Variants in NAV3 observed in about 807,000 individuals in gnomAD.
The protein encoded by NAV3 is neuron navigator 3.
In NAV3, 87 loss-of-function variants were observed where a neutral mutation model predicts 244.7. The observed-to-expected ratio is 0.36, with a 90% CI of 0.30 to 0.42. The LOEUF is 0.42. Ranked by LOEUF, NAV3 falls within the 20% of genes least tolerant of loss-of-function variation. The probability of loss-of-function intolerance (pLI) is 1.00; values close to 1 mark genes in which losing one functional copy is unlikely to be tolerated. For missense variants in NAV3, 2,663 were observed against 2,893.3 expected (o/e 0.92, Z 1.83); for synonymous variants, 1,126 against 1,042.2 (o/e 1.08, Z -1.55).
intron 9 of NAV3, among the ~76,000 whole-genome samples, chr12:78,023,141 C>T (rs1384816336): frequency 3.9e-5 from 6 of 152,096 alleles, no homozygotes; most frequent in Non-Finnish European, 8.8e-5. Context: ...CATAAATGTC[C>T]TCAAATTGCA....
chr12:77,630,328 A>G (rs1871833290), intron 2 of NAV3, among the ~76,000 whole-genome samples: 1 of 152,174 alleles, frequency 6.6e-6, no homozygotes. Context: ...TTTATGAACT[A>G]TTCCTATAGA....
chr12:77,865,204 A>G (rs1879821326), intron 1 of NAV3, among the ~76,000 whole-genome samples: 1 of 152,066 alleles, frequency 6.6e-6, no homozygotes, highest in South Asian at 2.1e-4. Flanking sequence ...TTCATTCTAC[A>G]TTTCAGAACT....
chr12:78,052,397 T>A (rs377288856), intron 11 of NAV3, among the ~76,000 whole-genome samples: 104 of 152,256 alleles, frequency 6.8e-4, no homozygotes, highest in African/African-American at 2.3e-3. Flanking sequence ...GGATTCAGAG[T>A]GCCTAGTTTG....
intron 12 of NAV3, among the ~76,000 whole-genome samples, chr12:78,112,299 T>C (rs919347798): frequency 6.6e-6 from 1 of 152,252 alleles, no homozygotes; most frequent in African/African-American, 2.4e-5. Flanking sequence ...CTGCATGCTA[T>C]AGGTGTTCGT....
chr12:78,070,103 T>C (rs923712447), intron 12 of NAV3, among the ~76,000 whole-genome samples: 3 of 152,152 alleles, frequency 2.0e-5, no homozygotes, highest in Non-Finnish European at 4.4e-5. Flanking sequence ...GAGTATATTT[T>C]ACTCTAACGT....
At chr12:77,887,626 G>C (rs1189583859) in intron 1 of NAV3, among the ~76,000 whole-genome samples, 2 of 152,076 alleles carry the variant, frequency 1.3e-5, no homozygotes, top group Non-Finnish European at 2.9e-5. Context: ...ATAAATATTT[G>C]TTGGATGAGT....
intron 2 of NAV3, among the ~76,000 whole-genome samples, chr12:77,606,093 C>T (rs555972840): frequency 6.6e-6 from 1 of 152,166 alleles, no homozygotes; most frequent in South Asian, 2.1e-4. Context: ...TCTGAAAAAC[C>T]TCATAGGTAA....
At chr12:77,642,607 A>C (rs1463308068) in intron 2 of NAV3, among the ~76,000 whole-genome samples, 1 of 152,078 alleles carries the variant, frequency 6.6e-6, no homozygotes, top group Non-Finnish European at 1.5e-5. Flanking sequence ...CACATATTAC[A>C]AATAGATTGA....
intron 26 of NAV3, 121 bp from the exon 27 acceptor site, chr12:78,177,020 A>T: frequency 1.1e-6 from 1 of 873,154 alleles, no homozygotes; most frequent in Non-Finnish European, 1.8e-6. Flanking sequence ...AATTGTTAAT[A>T]CTCTGCTTGT....
intron 5 of NAV3, among the ~76,000 whole-genome samples, chr12:77,988,417 C>T (rs1870904289): frequency 6.6e-6 from 1 of 152,178 alleles, no homozygotes. Flanking sequence ...AAATAGGAAG[C>T]TCTGGCAGTT....
At chr12:77,985,918 G>A (rs1241276121) in intron 5 of NAV3, among the ~76,000 whole-genome samples, 1 of 151,908 alleles carries the variant, frequency 6.6e-6, no homozygotes, top group Non-Finnish European at 1.5e-5. Context: ...ACATATCTAA[G>A]GAAAGATCTA....
At chr12:77,745,819 A>G (rs1260399189) in intron 2 of NAV3, among the ~76,000 whole-genome samples, 1 of 151,940 alleles carries the variant, frequency 6.6e-6, no homozygotes, top group East Asian at 1.9e-4. Flanking sequence ...CTTGACAGAG[A>G]GGGACAAAGA....
intron 2 of NAV3, among the ~76,000 whole-genome samples, chr12:77,778,203 C>T (rs1469467887): frequency 7.0e-6 from 1 of 142,914 alleles, no homozygotes; most frequent in African/African-American, 2.6e-5. Context: ...CTCCCCTCCT[C>T]TCCCCTCTCC....
intron 11 of NAV3, among the ~76,000 whole-genome samples, chr12:78,051,894 C>T (rs1409641534): frequency 1.3e-5 from 2 of 152,174 alleles, no homozygotes; most frequent in Non-Finnish European, 2.9e-5. Context: ...TTCCTTCCCA[C>T]CACCAGCAAT....
At chr12:77,958,380 GAATA>G (rs560475524) in intron 3 of NAV3, among the ~76,000 whole-genome samples, 24 of 152,228 alleles carry the variant, frequency 1.6e-4, no homozygotes, top group African/African-American at 4.8e-4. Flanking sequence ...TGTGATGAGT[GAATA>G]AATAAATAGT....
chr12:77,648,657 T>C (rs1872699536), intron 2 of NAV3, among the ~76,000 whole-genome samples: 1 of 152,126 alleles, frequency 6.6e-6, no homozygotes, highest in Non-Finnish European at 1.5e-5. Context: ...TCCTCTAATA[T>C]CTGCCATTGT....
chr12:77,635,097 T>C (rs1243147249), intron 2 of NAV3, among the ~76,000 whole-genome samples: 1 of 151,982 alleles, frequency 6.6e-6, no homozygotes, highest in African/African-American at 2.4e-5. Context: ...GGCGTAGTGA[T>C]GTGTGCCTGT....
intron 7 of NAV3, among the ~76,000 whole-genome samples, chr12:77,999,501 G>A (rs1231798540): frequency 1.3e-5 from 2 of 152,172 alleles, no homozygotes; most frequent in African/African-American, 4.8e-5. Flanking sequence ...TTCCTCAAAT[G>A]TGAACGGACA....
chr12:78,077,970 C>A (rs549163715), intron 12 of NAV3, among the ~76,000 whole-genome samples: 3 of 152,260 alleles, frequency 2.0e-5, no homozygotes, highest in Admixed American at 1.3e-4. Flanking sequence ...TATTGTCTCA[C>A]CCTTCTGGAG....
Sources: allele counts gnomAD v4.1 joint callset (sites outside exome capture counted in the v4.1 genomes callset), GRCh38; gene constraint gnomAD v4.1.1; transcripts MANE v1.5; gene names NCBI Gene and HGNC (gene_info 2026-07-23, HGNC 2026-07-21).